C12orf50: variants seen among roughly 807,000 people sequenced by gnomAD.
C12orf50 encodes zinc finger CCCH-type containing 11D, also known as uncharacterized protein C12orf50.
In C12orf50, 35 loss-of-function variants were observed where a neutral mutation model predicts 61.6. The ratio of observed to expected loss-of-function variants is 0.57; its 90% CI spans 0.43 to 0.75. The LOEUF (loss-of-function observed/expected upper bound fraction) is 0.75, where lower values mean the gene tolerates loss of function less well. Among genes scored for constraint, C12orf50 ranks in the 30% least tolerant of loss-of-function variants. C12orf50 has a pLI of 0.00. For missense variants in C12orf50, 475 were observed against 488.5 expected (o/e 0.97, Z 0.26); for synonymous variants, 178 against 161.5 (o/e 1.10, Z -0.77).
chr12:87,990,817 A>T (rs1186648707), intron 7 of C12orf50, among the ~76,000 whole-genome samples: 1 of 152,038 alleles, frequency 6.6e-6, no homozygotes, highest in East Asian at 1.9e-4. Context: ...ACAACAAAGA[A>T]GTTCCTCTGA....
At chr12:88,013,855 G>T (rs1411288185) in intron 3 of C12orf50, among the ~76,000 whole-genome samples, 2 of 152,146 alleles carry the variant, frequency 1.3e-5, no homozygotes, top group African/African-American at 4.8e-5. Flanking sequence ...TTGGTTTTTG[G>T]TGGTTGTTGT....
At chr12:88,022,005 A>G (rs1439876466) in intron 3 of C12orf50, among the ~76,000 whole-genome samples, 2 of 152,020 alleles carry the variant, frequency 1.3e-5, no homozygotes, top group Non-Finnish European at 2.9e-5. Flanking sequence ...GGCCAGCATC[A>G]TTCTGATACC....
At chr12:87,997,935 G>T (rs1365659897) in intron 4 of C12orf50, 100 bp downstream of exon 4, 4 of 842,780 alleles carry the variant, frequency 4.7e-6, no homozygotes, top group Non-Finnish European at 7.0e-6. Flanking sequence ...AGCAAAATCT[G>T]CCTTATATAT....
chr12:87,993,676 G>T (rs1353771832), intron 7 of C12orf50, among the ~76,000 whole-genome samples: 1 of 152,034 alleles, frequency 6.6e-6, no homozygotes, highest in East Asian at 1.9e-4. Flanking sequence ...ACTGATACCT[G>T]CTCTCAACCT....
rs77929336 is a variant in C12orf50 at position 87,982,421 on chromosome 12, C to T, written c.1219+682G>A. ...GTCACAGTTGTAGTCAGTAGGAGTTCCCTAACTGGAAATTTTTCTGAAATG... is the reference window on the plus strand; with the variant it reads ...GTCACAGTTGTAGTCAGTAGGAGTTTCCTAACTGGAAATTTTTCTGAAATG... On this transcript the variant is annotated intron_variant, in intron 12 of 12. Transcript: ENST00000298699. Among the ~76,000 whole-genome samples the T allele has an allele frequency of 3.6e-3, 542 of 152,230 alleles. 5 individuals are homozygous for T. The highest frequency in any genetic ancestry group is 0.012 in the African/African-American group (509 of 41,552).
At chr12:88,029,513 T>G, upstream of C12orf50, 1 of 152,566 alleles carries the variant, frequency 6.6e-6, no homozygotes, top group East Asian at 1.9e-4. Flanking sequence ...GAGTGAACAC[T>G]GTATTTCCCT....
At chr12:87,999,886 T>A (rs2031578684) in intron 3 of C12orf50, among the ~76,000 whole-genome samples, 1 of 152,136 alleles carries the variant, frequency 6.6e-6, no homozygotes, top group African/African-American at 2.4e-5. Flanking sequence ...AGAGCATGGA[T>A]GAATTTTGAA....
chr12:88,026,017 A>G (rs555883073), intron 3 of C12orf50, among the ~76,000 whole-genome samples: 20 of 152,174 alleles, frequency 1.3e-4, no homozygotes, highest in Non-Finnish European at 2.6e-4. Context: ...TTCCACAATT[A>G]AAGTGTTAGA....
intron 3 of C12orf50, among the ~76,000 whole-genome samples, chr12:87,998,916 T>G (rs1269321909): frequency 6.6e-6 from 1 of 152,216 alleles, no homozygotes; most frequent in Admixed American, 6.5e-5. Flanking sequence ...ACATGCAAAG[T>G]AATTAAGTTG....
chr12:87,984,222 C>A (rs1467091430), intron 11 of C12orf50: 1 of 152,104 alleles, frequency 6.6e-6, no homozygotes, highest in African/African-American at 2.4e-5. Context: ...ACTTTGCCCA[C>A]TTTTTGATGG....
At chr12:88,005,195 T>C (rs1432993504) in intron 3 of C12orf50, among the ~76,000 whole-genome samples, 1 of 152,220 alleles carries the variant, frequency 6.6e-6, no homozygotes, top group East Asian at 1.9e-4. Context: ...TGATAATACA[T>C]TGTAGCAACT....
At chr12:87,999,102 G>A (rs1202573741) in intron 3 of C12orf50, among the ~76,000 whole-genome samples, 1 of 152,158 alleles carries the variant, frequency 6.6e-6, no homozygotes, top group South Asian at 2.1e-4. Context: ...GCACATGGGG[G>A]TGAGCCATGA....
rs1175928733 is a variant in C12orf50, at chr12:87,982,567, G to C, written c.1219+536C>G. On this transcript the variant is annotated intron_variant, in intron 12 of 12. Transcript: ENST00000298699. ...CTGTTTAGCAAAAGAAAAACCTGAG[G>C]TCAGGGATACAACAAACCTCTACCC... Among the ~76,000 whole-genome samples, 3 of 152,036 alleles carry C rather than the reference G, an allele frequency of 2.0e-5. No homozygotes were observed. In the East Asian group the frequency reaches 5.8e-4, roughly 29 times the overall value.
At chr12:88,006,775 C>G (rs79140432) in intron 3 of C12orf50, among the ~76,000 whole-genome samples, 5 of 152,112 alleles carry the variant, frequency 3.3e-5, no homozygotes, top group Admixed American at 2.6e-4. Flanking sequence ...TTTCTCCCCC[C>G]AGAAAGGTAC....
chr12:88,023,872 A>G (rs1321342038), intron 3 of C12orf50, among the ~76,000 whole-genome samples: 7 of 152,190 alleles, frequency 4.6e-5, no homozygotes, highest in Non-Finnish European at 8.8e-5. Flanking sequence ...AGAATGAGAA[A>G]AAATATTTGC....
chr12:88,026,424 A>G (rs2032708914), intron 3 of C12orf50, 64 bp downstream of exon 3: 5 of 1,545,018 alleles, frequency 3.2e-6, no homozygotes, highest in African/African-American at 1.4e-5. Context: ...GTGTCATTCT[A>G]TGCTGCTAGT....
At chr12:88,006,083 A>T (rs769620296) in intron 3 of C12orf50, among the ~76,000 whole-genome samples, 41 of 151,774 alleles carry the variant, frequency 2.7e-4, no homozygotes, top group Non-Finnish European at 4.9e-4. Context: ...CGCCCCGCTA[A>T]TTTTTTGTAT....
intron 3 of C12orf50, among the ~76,000 whole-genome samples, chr12:88,006,698 A>T (rs1480378407): frequency 6.6e-6 from 1 of 152,170 alleles, no homozygotes; most frequent in Non-Finnish European, 1.5e-5. Flanking sequence ...AACAAGATTC[A>T]GGCCTGAAAA....
At chr12:88,016,082 A>G (rs1592679571) in intron 3 of C12orf50, among the ~76,000 whole-genome samples, 1 of 152,242 alleles carries the variant, frequency 6.6e-6, no homozygotes, top group African/African-American at 2.4e-5. Context: ...TGTGGCTCCA[A>G]CTCATCTACT....
Sources: allele counts gnomAD v4.1 joint callset (sites outside exome capture counted in the v4.1 genomes callset), GRCh38; gene constraint gnomAD v4.1.1; transcripts MANE v1.5; gene names NCBI Gene and HGNC (gene_info 2026-07-23, HGNC 2026-07-21).